PCDHAC1: variants seen among roughly 807,000 people sequenced by gnomAD.
The protein encoded by PCDHAC1 is protocadherin alpha subfamily C, 1.
PCDHAC1 carries 42 observed loss-of-function variants against 60.0 expected under a neutral mutation model. The observed-to-expected ratio is 0.70, with a 90% CI of 0.55 to 0.90. PCDHAC1 has a LOEUF of 0.90. Among genes scored for constraint, PCDHAC1 ranks in the 40% least tolerant of loss-of-function variants. PCDHAC1 has a pLI of 0.00. For synonymous variants in PCDHAC1, 468 were observed against 499.3 expected, an observed-to-expected ratio of 0.94 and a Z score of 0.84; for missense variants, 1,160 against 1,222.3, an observed-to-expected ratio of 0.95 and a Z score of 0.76.
intron 1 of PCDHAC1, among the ~76,000 whole-genome samples, chr5:140,970,479 G>A (rs782054417): frequency 1.3e-4 from 20 of 152,160 alleles, no homozygotes; most frequent in Admixed American, 8.5e-4. Context: ...AGGCCAGCTT[G>A]TTCATTATTA....
At chr5:140,959,859 T>A (rs2095514385) in intron 1 of PCDHAC1, among the ~76,000 whole-genome samples, 1 of 152,192 alleles carries the variant, frequency 6.6e-6, no homozygotes, top group South Asian at 2.1e-4. Context: ...AGGAATTATG[T>A]AGCAAAATCT....
intron 1 of PCDHAC1, among the ~76,000 whole-genome samples, chr5:140,961,356 CA>C (rs1164957121): frequency 1.3e-5 from 2 of 152,168 alleles, no homozygotes; most frequent in Non-Finnish European, 2.9e-5. Context: ...CTGTAGTCCC[CA>C]TTAGAATTCT....
chr5:140,961,805 G>A (rs1554225601), intron 1 of PCDHAC1, among the ~76,000 whole-genome samples: 1 of 151,810 alleles, frequency 6.6e-6, no homozygotes, highest in African/African-American at 2.4e-5. Context: ...AGGAAATTGG[G>A]TTCTCTAGTC....
rs776039540 is a variant in PCDHAC1, at chr5:140,927,436, T to A, written c.544T>A (p.Tyr182Asn). ...DMGSRVDGSE[Y>N]PELVLEKALD... ...GGGATCGCGGGTTGACGGCAGCGAATACCCGGAGTTGGTGTTGGAGAAAGC... is the reference window on the plus strand; with the variant it reads ...GGGATCGCGGGTTGACGGCAGCGAAAACCCGGAGTTGGTGTTGGAGAAAGC... The change falls in exon 1 of 4, where the codon TAC becomes AAC. Residue 182 changes from tyrosine (Y) to asparagine (N), a missense_variant. This residue lies in a region of PCDHAC1 where 1,113 missense variants were observed against 1,163.7 expected (regional missense o/e 0.96). Coordinates refer to ENST00000253807, the MANE Select transcript of PCDHAC1 (RefSeq NM_018898.5). 6.2e-7 allele frequency: 1 copy of A among 1,614,132 alleles called. No homozygotes were observed. Among genetic ancestry groups the A allele is most frequent in the Non-Finnish European group, 8.5e-7 (1 of 1,180,004 alleles).
At position 141,010,146 on chromosome 5, in the gene PCDHAC1, C is replaced by A. The variant is rs782795358; in HGVS notation, c.*209C>A. 1 of 1,584,410 alleles carries A rather than the reference C, an allele frequency of 6.3e-7. No individual in the cohort carries two copies. Among genetic ancestry groups the A allele is most frequent in the Non-Finnish European group, 8.6e-7 (1 of 1,164,258 alleles). The stretch of plus-strand genomic sequence containing the variant: ...TAAGTCTGGTGTTAACTCTTTCTCT[C>A]CACTCTGGCTTGTTTTCAGAACCTA... On this transcript the variant is annotated 3_prime_UTR_variant, in exon 4 of 4. Transcript: ENST00000253807.
chr5:140,954,442 G>C (rs2095039188), intron 1 of PCDHAC1, among the ~76,000 whole-genome samples: 1 of 151,940 alleles, frequency 6.6e-6, no homozygotes, highest in South Asian at 2.1e-4. Flanking sequence ...GTTGTTTCTG[G>C]ACTTGTTAAT....
rs1554204736 is a variant in PCDHAC1 at position 140,927,558 on chromosome 5, T to C, written c.666T>C (p.Ile222=). ...CAGGAGACGCACAAGTCACCATCAT[T>C]GTGGTGGACACAAATGACAACGCGC... ...ARSGDAQVTI[I]VVDTNDNAPV... The change falls in exon 1 of 4, where the codon ATT becomes ATC. Residue 222 remains isoleucine (I), a synonymous_variant. Transcript: ENST00000253807. 6.2e-7 allele frequency: 1 copy of C among 1,614,144 alleles called. No individual in the cohort carries two copies. Among genetic ancestry groups the C allele is most frequent in the East Asian group, 2.2e-5 (1 of 44,872 alleles).
intron 1 of PCDHAC1, among the ~76,000 whole-genome samples, chr5:140,973,039 C>T (rs782146596): frequency 1.3e-5 from 2 of 152,040 alleles, no homozygotes; most frequent in Non-Finnish European, 2.9e-5. Flanking sequence ...ACTTTGAGTA[C>T]TCTAGTAGAT....
At chr5:140,948,857 T>C (rs1554218731) in intron 1 of PCDHAC1, among the ~76,000 whole-genome samples, 2 of 151,686 alleles carry the variant, frequency 1.3e-5, no homozygotes. Flanking sequence ...TGCCTTCTTA[T>C]ATTACTTCGG....
chr5:140,984,682 A>G (rs2097114582), intron 3 of PCDHAC1, among the ~76,000 whole-genome samples: 2 of 152,136 alleles, frequency 1.3e-5, no homozygotes, highest in Non-Finnish European at 2.9e-5. Context: ...AGGACTCAAT[A>G]TATGTTCTGC....
In PCDHAC1 at chr5:140,937,639, A is replaced by G. The variant is rs140444916; in HGVS notation, c.2433+8314A>G. On this transcript the variant is annotated intron_variant, in intron 1 of 3. Transcript: ENST00000253807. ...CTAAAAAGAAAAAGAAAGGCAGGGC[A>G]TGGTGGCTCACGCCTGTAATCCCAG... is the stretch of plus-strand genomic sequence containing the variant. 9.3e-5 allele frequency among the ~76,000 whole-genome samples: 14 copies of G among 151,094 alleles called. No individual in the cohort carries two copies. In the East Asian group the frequency reaches 1.8e-3, roughly 20 times the overall value.
In PCDHAC1 at chr5:140,953,934, C is replaced by T. The variant is rs2094953906; in HGVS notation, c.2433+24609C>T. 2.6e-5 allele frequency among the ~76,000 whole-genome samples: 4 copies of T among 152,200 alleles called. No homozygotes were observed. The South Asian group carries it at 8.3e-4, about 32-fold the overall frequency. On this transcript the variant is annotated intron_variant, in intron 1 of 3. Transcript: ENST00000253807. ...TTAGGTATTCTTCCTGATGCTCTCC[C>T]TCCCATTGCTCCCCCAACAGGCCCC...
chr5:141,000,421 A>T (rs4912737), intron 3 of PCDHAC1, among the ~76,000 whole-genome samples: 2,503 of 28,048 alleles, frequency 0.089, 337 homozygotes, highest in East Asian at 0.098. Flanking sequence ...ATATATATAT[A>T]TTTTTTTTTT....
chr5:141,009,356 G>A (rs535761188), intron 3 of PCDHAC1, among the ~76,000 whole-genome samples: 1 of 152,204 alleles, frequency 6.6e-6, no homozygotes, highest in Admixed American at 6.5e-5. Flanking sequence ...CTACTTGGGA[G>A]GCTAAGATGG....
intron 1 of PCDHAC1, among the ~76,000 whole-genome samples, chr5:140,962,537 A>G (rs1554226101): frequency 6.6e-6 from 1 of 152,208 alleles, no homozygotes; most frequent in Non-Finnish European, 1.5e-5. Context: ...TTTTAGAACT[A>G]AAAATGTAGA....
At chr5:140,983,408 A>G (rs1554245369) in intron 3 of PCDHAC1, among the ~76,000 whole-genome samples, 1 of 152,208 alleles carries the variant, frequency 6.6e-6, no homozygotes, top group Non-Finnish European at 1.5e-5. Flanking sequence ...GGGAAGATTA[A>G]GTGTTGGTAG....
chr5:140,984,982 G>A lies in PCDHAC1; in HGVS notation c.2581+2419G>A, dbSNP rs544151858. On this transcript the variant is annotated intron_variant, in intron 3 of 3. Coordinates refer to ENST00000253807, the MANE Select transcript of PCDHAC1 (RefSeq NM_018898.5). ...AGACAGAGTCTCGCTCTGTCCCCCA[G>A]GCTGGAGTCCAGTGGCACGATATCG... Among the ~76,000 whole-genome samples the A allele has an allele frequency of 1.1e-3, 174 of 152,116 alleles. 2 individuals are homozygous for A. In the South Asian group the frequency reaches 0.016, roughly 14 times the overall value.
At chr5:140,966,973 G>A (rs782189736) in intron 1 of PCDHAC1, 9 of 1,602,936 alleles carry the variant, frequency 5.6e-6, no homozygotes, top group African/African-American at 4.0e-5. Flanking sequence ...GGCTTGAGCT[G>A]CGGCGCTTGG....
rs782659188 is a variant in PCDHAC1, at chr5:140,928,374, C to T, written c.1482C>T (p.Ala494=). The T allele has an allele frequency of 6.2e-7, 1 of 1,614,172 alleles. No individual in the cohort carries two copies. The highest frequency in any genetic ancestry group is 8.5e-7 in the Non-Finnish European group (1 of 1,180,020). ...LLDVISEGPS[A]SSLLAVESSS... The stretch of plus-strand genomic sequence containing the variant: ...ATGTTATCTCTGAAGGGCCATCAGC[C>T]TCTAGCTTGCTGGCAGTGGAATCAT... The change falls in exon 1 of 4, where the codon GCC becomes GCT. Residue 494 remains alanine (A), a synonymous_variant. Coordinates refer to ENST00000253807, the MANE Select transcript of PCDHAC1 (RefSeq NM_018898.5).
Sources: allele counts gnomAD v4.1 joint callset (sites outside exome capture counted in the v4.1 genomes callset), GRCh38; gene constraint gnomAD v4.1.1; regional missense constraint gnomAD v4.1.1; transcripts MANE v1.5; gene names NCBI Gene and HGNC (gene_info 2026-07-23, HGNC 2026-07-21).